Variants in ZNF33B observed in about 807,000 individuals in gnomAD.
The protein encoded by ZNF33B is zinc finger protein 11b (KOX 2).
In ZNF33B, 29 loss-of-function variants were observed where a neutral mutation model predicts 45.8. The ratio of observed to expected loss-of-function variants is 0.63; its 90% confidence interval spans 0.47 to 0.86. The LOEUF (loss-of-function observed/expected upper bound fraction) is 0.86, where lower values mean the gene tolerates loss of function less well. ZNF33B is among the 40% of genes least tolerant of loss of function. ZNF33B has a pLI of 0.00. For synonymous variants in ZNF33B, 305 were observed against 307.8 expected (o/e 0.99, Z 0.10); for missense variants, 831 against 909.9 (o/e 0.91, Z 1.12).
chr10:42,578,860 G>A (rs1272612146), intron 1 of ZNF33B: 1 of 152,256 alleles, frequency 6.6e-6, no homozygotes, highest in Non-Finnish European at 1.5e-5. Context: ...CTCAGAAAAT[G>A]TCTGGTGTCA....
At chr10:42,580,978 C>T (rs1012931097) in intron 1 of ZNF33B, among the ~76,000 whole-genome samples, 1 of 152,128 alleles carries the variant, frequency 6.6e-6, no homozygotes, top group African/African-American at 2.4e-5. Context: ...ATCACAATCA[C>T]ACCAGGAGAA....
chr10:42,614,315 C>G (rs1291667563), intron 4 of ZNF33B: 1 of 154,580 alleles, frequency 6.5e-6, no homozygotes, highest in African/African-American at 2.4e-5. Flanking sequence ...TCAAGGTCAT[C>G]CAAAACAAGG....
At chr10:42,622,465 GGT>G (rs1228636286) in intron 4 of ZNF33B, among the ~76,000 whole-genome samples, 1 of 152,144 alleles carries the variant, frequency 6.6e-6, no homozygotes, top group Non-Finnish European at 1.5e-5. Context: ...CCAAACAGTG[GGT>G]CATGTCATAG....
chr10:42,604,954 A>G (rs1837776972), intron 4 of ZNF33B, among the ~76,000 whole-genome samples: 1 of 151,914 alleles, frequency 6.6e-6, no homozygotes, highest in Admixed American at 6.6e-5. Context: ...GAGAGGTTGT[A>G]GCTGGCAAAA....
intron 4 of ZNF33B, among the ~76,000 whole-genome samples, chr10:42,604,490 A>C (rs748244895): frequency 8.5e-5 from 13 of 152,228 alleles, no homozygotes; most frequent in Non-Finnish European, 1.6e-4. Flanking sequence ...AGGAAACACT[A>C]TTTAGAAAAG....
rs2132024953 is a variant in ZNF33B, at chr10:42,589,499, A to G, written c.*3114T>C. The G allele has an allele frequency of 6.6e-6, 1 of 152,270 alleles. No homozygotes were observed. Among genetic ancestry groups the G allele is most frequent in the African/African-American group, 2.4e-5 (1 of 41,546 alleles). 9.4% of individuals were successfully genotyped at this position (152,270 alleles called of 1,614,324 possible). On this transcript the variant is annotated 3_prime_UTR_variant, in exon 5 of 5. Transcript: ENST00000359467. ...AACCACTGGTCCTTTGACTCGCTCG[A>G]TAGTTTTGCCTCTCCCAGAATGTCA...
At chr10:42,635,430 G>C (rs879622150) in intron 2 of ZNF33B, among the ~76,000 whole-genome samples, 2 of 152,026 alleles carry the variant, frequency 1.3e-5, no homozygotes, top group Non-Finnish European at 2.9e-5. Context: ...TTTTTTTGAC[G>C]TATGTATTCA....
At chr10:42,608,658 T>C (rs972280472) in intron 4 of ZNF33B, among the ~76,000 whole-genome samples, 23 of 152,090 alleles carry the variant, frequency 1.5e-4, no homozygotes, top group African/African-American at 4.8e-4. Context: ...AGAGAGAGAT[T>C]TGTAGCTGTA....
chr10:42,578,107 C>T (rs1836774875), intron 1 of ZNF33B, among the ~76,000 whole-genome samples: 1 of 152,282 alleles, frequency 6.6e-6, no homozygotes, highest in African/African-American at 2.4e-5. Flanking sequence ...TCCTGGCCTC[C>T]GCTCAGGACT....
intron 1 of ZNF33B, among the ~76,000 whole-genome samples, chr10:42,578,247 G>A (rs1208940722): frequency 6.6e-6 from 1 of 152,232 alleles, no homozygotes; most frequent in Non-Finnish European, 1.5e-5. Context: ...GGCTTTGGTT[G>A]GCCAAAAATT....
intron 4 of ZNF33B, among the ~76,000 whole-genome samples, chr10:42,624,224 G>A (rs1310057509): frequency 6.6e-6 from 1 of 152,026 alleles, no homozygotes; most frequent in African/African-American, 2.4e-5. Context: ...ACCTCCCAAG[G>A]GCTCCACATC....
At position 42,593,139 on chromosome 10, in the gene ZNF33B, G is replaced by A. The variant is rs1837218112; in HGVS notation, c.1811C>T (p.Thr604Ile). 6.8e-6 allele frequency: 11 copies of A among 1,613,586 alleles called. No homozygotes were observed. The highest frequency in any genetic ancestry group is 1.3e-5 in the African/African-American group (1 of 74,854). The stretch of plus-strand genomic sequence containing the variant: ...ATTACATTCATAGGGTTTCTCCCCT[G>A]TATGTGTTCTATTATGTTTTGTTAG... ...SYLTKHNRTH[T>I]GEKPYECNEC... The change falls in exon 5 of 5, where the codon ACA (threonine) becomes ATA (isoleucine). Residue 604 changes from threonine to isoleucine, a missense_variant. Physicochemically the swap from Thr to Ile is moderately conservative, Grantham distance 89. Transcript: ENST00000359467.
chr10:42,605,499 A>T (rs1464097578), intron 4 of ZNF33B, among the ~76,000 whole-genome samples: 1 of 152,204 alleles, frequency 6.6e-6, no homozygotes, highest in Non-Finnish European at 1.5e-5. Flanking sequence ...TATTTGCAAA[A>T]CAGAGGGTGA....
At chr10:42,574,459 G>A (rs992035520) in exon 2 of ZNF33B, 1 of 152,160 alleles carries the variant, frequency 6.6e-6, no homozygotes, top group Admixed American at 6.5e-5. Context: ...TGGTTTCCTT[G>A]ATGGGCCAAA....
At chr10:42,635,239 C>CAAA (rs71533034) in intron 2 of ZNF33B, among the ~76,000 whole-genome samples, 1 of 99,366 alleles carries the variant, frequency 1.0e-5, no homozygotes. Context: ...AGACATTCTC[C>CAAA]AAAAAAAAAA....
chr10:42,598,402 A>G (rs752414926), intron 4 of ZNF33B, among the ~76,000 whole-genome samples: 1 of 152,248 alleles, frequency 6.6e-6, no homozygotes, highest in Non-Finnish European at 1.5e-5. Context: ...ACCAATGCAG[A>G]CAAAGGTCAT....
chr10:42,581,324 C>T (rs543436821), intron 1 of ZNF33B, among the ~76,000 whole-genome samples: 22 of 151,694 alleles, frequency 1.5e-4, no homozygotes, highest in Admixed American at 1.1e-3. Flanking sequence ...ATTAGCCAGG[C>T]GTGGTGGTAT....
intron 2 of ZNF33B, among the ~76,000 whole-genome samples, chr10:42,634,686 G>A (rs2132172306): frequency 6.6e-6 from 1 of 152,276 alleles, no homozygotes; most frequent in Admixed American, 6.5e-5. Flanking sequence ...TAAAACTGGG[G>A]AAAGGATGGT....
Position 42,632,312 on chromosome 10 carries a change from C to T in ZNF33B, c.137G>A (p.Ser46Asn), listed in dbSNP as rs756562621. The change falls in exon 3 of 5, where the codon AGC becomes AAC. Residue 46 changes from serine (S) to asparagine (N), a missense_variant. Physicochemically the swap from Ser to Asn is conservative, Grantham distance 46 (BLOSUM62 1). Coordinates refer to ENST00000359467, the MANE Select transcript of ZNF33B (RefSeq NM_006955.3). Reference sequence around the variant, plus strand: ...GACCTTACCCACTGAGACAAGGTTGCTGTAGTTCTCCAGCATCACATCTCT... The same window carrying T: ...GACCTTACCCACTGAGACAAGGTTGTTGTAGTTCTCCAGCATCACATCTCT... Reference protein sequence around the residue: ...LYRDVMLENYSNLVSVGYCAH... With the variant: ...LYRDVMLENYNNLVSVGYCAH... The T allele has an allele frequency of 1.8e-5, 29 of 1,603,408 alleles. No individual in the cohort carries two copies. In the South Asian group the frequency reaches 2.6e-4, roughly 14 times the overall value.
Sources: allele counts gnomAD v4.1 joint callset (sites outside exome capture counted in the v4.1 genomes callset), GRCh38; gene constraint gnomAD v4.1.1; transcripts MANE v1.5; gene names NCBI Gene and HGNC (gene_info 2026-07-23, HGNC 2026-07-21).